The following NFX1 variants were observed in gnomAD, a reference collection of about 807,000 sequenced individuals.
NFX1 encodes the protein transcriptional repressor NF-X1.
In NFX1, 69 loss-of-function variants were observed where a neutral mutation model predicts 137.2. The ratio of observed to expected loss-of-function variants is 0.50; its 90% CI spans 0.41 to 0.61. The LOEUF (loss-of-function observed/expected upper bound fraction) is 0.61, where lower values mean the gene tolerates loss of function less well. Ranked by LOEUF, NFX1 falls within the 20% of genes least tolerant of loss-of-function variation. The probability of loss-of-function intolerance (pLI) is 0.00; values close to 1 mark genes in which losing one functional copy is unlikely to be tolerated. For missense variants in NFX1, 1,167 were observed against 1,391.0 expected (o/e 0.84, Z 2.56); for synonymous variants, 495 against 474.1 (o/e 1.04, Z -0.57).
intron 7 of NFX1, among the ~76,000 whole-genome samples, chr9:33,317,471 TA>T (rs1200221411): frequency 6.7e-6 from 1 of 149,492 alleles, no homozygotes; most frequent in African/African-American, 2.5e-5. Flanking sequence ...CACATGCACT[TA>T]CTGGAAGATG....
intron 9 of NFX1, among the ~76,000 whole-genome samples, 156 bp downstream of exon 9, chr9:33,319,283 A>G (rs1454519598): frequency 3.9e-5 from 6 of 152,202 alleles, no homozygotes; most frequent in Admixed American, 6.5e-5. Context: ...TTTCCTCCTC[A>G]ACATATACTT....
At chr9:33,298,009 A>G (rs1164335213) in intron 2 of NFX1, among the ~76,000 whole-genome samples, 1 of 152,150 alleles carries the variant, frequency 6.6e-6, no homozygotes, top group African/African-American at 2.4e-5. Flanking sequence ...TTTTGAGAAC[A>G]CTTCATTCAT....
At chr9:33,327,446 C>T (rs538522981) in intron 9 of NFX1, among the ~76,000 whole-genome samples, 2 of 152,298 alleles carry the variant, frequency 1.3e-5, no homozygotes, top group South Asian at 4.1e-4. Context: ...CTCACTGCAA[C>T]CTCCGCCTCC....
Position 33,294,726 on chromosome 9 carries a change from A to G in NFX1, c.332A>G (p.Asn111Ser). The G allele has an allele frequency of 1.2e-6, 2 of 1,614,158 alleles. No individual in the cohort carries two copies. The highest frequency in any genetic ancestry group is 1.7e-6 in the Non-Finnish European group (2 of 1,180,034). ...LQNQPWQKLR[N>S]EKHHIRVKKA... ...AATCAACCTTGGCAGAAATTGAGGA[A>G]TGAGAAGCACCATATCAGAGTCAAG... Residue 111 changes from asparagine to serine, a missense_variant, in exon 2 of 24, where the codon AAT becomes AGT. This residue lies in a region of NFX1 where 367 missense variants were observed against 386.7 expected (regional missense o/e 0.95). Coordinates refer to ENST00000379540, the MANE Select transcript of NFX1 (RefSeq NM_002504.6).
At position 33,367,540 on chromosome 9, in the gene NFX1, A is replaced by C; in HGVS notation, c.3211A>C (p.Thr1071Pro). The C allele has an allele frequency of 6.2e-7, 1 of 1,613,856 alleles. No individual in the cohort carries two copies. Among genetic ancestry groups the C allele is most frequent in the Non-Finnish European group, 8.5e-7 (1 of 1,179,840 alleles). Reference sequence around the variant, plus strand: ...GGGGAAGTCCGTTTGTCCTCCTACCACGCTGACAGGTGTGCTTGAAAGGGA... The same window carrying C: ...GGGGAAGTCCGTTTGTCCTCCTACCCCGCTGACAGGTGTGCTTGAAAGGGA... ...IRGKSVCPPT[T>P]LTGVLEREMQ... Residue 1071 changes from threonine (T) to proline (P), a missense_variant, in exon 23 of 24, where the codon ACG becomes CCG. By Grantham distance (38) the Thr-to-Pro change is conservative (BLOSUM62 -1). Coordinates refer to ENST00000379540, the MANE Select transcript of NFX1 (RefSeq NM_002504.6).
chr9:33,314,221 T>A (rs1822070491), intron 7 of NFX1, among the ~76,000 whole-genome samples: 1 of 151,958 alleles, frequency 6.6e-6, no homozygotes, highest in Non-Finnish European at 1.5e-5. Flanking sequence ...TGACCTCAAG[T>A]GATAATGCCT....
At chr9:33,313,075 C>T (rs1248978491) in intron 6 of NFX1, among the ~76,000 whole-genome samples, 2 of 152,066 alleles carry the variant, frequency 1.3e-5, no homozygotes, top group East Asian at 1.9e-4. Context: ...GCTGTCCTCC[C>T]GTCTGTAAAG....
chr9:33,357,815 G>T (rs1823862451), intron 19 of NFX1, among the ~76,000 whole-genome samples: 2 of 151,806 alleles, frequency 1.3e-5, no homozygotes, highest in South Asian at 4.1e-4. Context: ...AAAGTGCTGG[G>T]ATTATAAGCA....
intron 6 of NFX1, among the ~76,000 whole-genome samples, chr9:33,312,047 C>T (rs560436843): frequency 6.6e-6 from 1 of 152,308 alleles, no homozygotes; most frequent in Non-Finnish European, 1.5e-5. Context: ...AGGTCTCCTA[C>T]ATCATTAGTA....
Position 33,344,158 on chromosome 9 carries a change from T to G in NFX1, c.2314T>G (p.Cys772Gly). Residue 772 changes from cysteine (C) to glycine (G), a missense_variant, in exon 14 of 24, where the codon TGC (cysteine) becomes GGC (glycine). Cys to Gly is a radical substitution (Grantham distance 159). This residue lies in a region of NFX1 where 488 missense variants were observed against 691.5 expected (regional missense o/e 0.71). Transcript: ENST00000379540. ...GTRPPECTQTCARVHECDHPV... is the reference protein window; with the variant it reads ...GTRPPECTQTGARVHECDHPV... ...TAGGCCCCCTGAATGTACCCAAACC[T>G]GCGCTAGAGTCCATGAGTGTGACCA... The G allele has an allele frequency of 1.2e-6, 2 of 1,614,054 alleles. No homozygotes were observed. Among genetic ancestry groups the G allele is most frequent in the Non-Finnish European group, 8.5e-7 (1 of 1,179,946 alleles).
intron 19 of NFX1, among the ~76,000 whole-genome samples, chr9:33,358,060 TTC>T (rs1241354443): frequency 6.6e-6 from 1 of 152,188 alleles, no homozygotes; most frequent in African/African-American, 2.4e-5. Context: ...AAATTTTGTA[TTC>T]TTTCAGTAGA....
chr9:33,366,505 C>A, intron 21 of NFX1, 124 bp from the exon 22 acceptor site: 1 of 1,156,634 alleles, frequency 8.6e-7, no homozygotes, highest in Non-Finnish European at 1.2e-6. Flanking sequence ...GTAAAATGCT[C>A]TATGCTGTGG....
chr9:33,343,143 A>G lies in NFX1; in HGVS notation c.2224+289A>G, dbSNP rs533451901. The stretch of plus-strand genomic sequence containing the variant: ...TATTGACCTAGGTTCTGTCCTCAAC[A>G]ATCTTCTTTCTCTATATTATTAGCA... On this transcript the variant is annotated intron_variant, in intron 13 of 23. Coordinates refer to ENST00000379540, the MANE Select transcript of NFX1 (RefSeq NM_002504.6). 5.9e-5 allele frequency among the ~76,000 whole-genome samples: 9 copies of G among 152,278 alleles called. No individual in the cohort carries two copies. In the East Asian group the frequency reaches 1.5e-3, roughly 26 times the overall value.
chr9:33,338,367 A>G, intron 11 of NFX1, 143 bp from the exon 12 acceptor site: 1 of 754,592 alleles, frequency 1.3e-6, no homozygotes, highest in East Asian at 3.2e-5. Flanking sequence ...AAAACAAAAC[A>G]AAACAAAAAA....
rs1821299523 is a variant in NFX1, at chr9:33,294,980, A to G, written c.586A>G (p.Thr196Ala). The G allele has an allele frequency of 6.2e-7, 1 of 1,614,200 alleles. No individual in the cohort carries two copies. The change falls in exon 2 of 24, where the codon ACA becomes GCA. Residue 196 changes from threonine to alanine, a missense_variant. Around this residue, in one of 3 missense-constraint regions of NFX1, gnomAD observed 367 missense variants for 386.7 expected, o/e 0.95. Transcript: ENST00000379540. Reference protein sequence around the residue: ...GKLKCEWSNRTTPKPEDAGPE... With the variant: ...GKLKCEWSNRATPKPEDAGPE... Reference sequence around the variant, plus strand: ...ACTCAAATGTGAATGGAGTAACCGAACAACTCCAAAACCGGAGGATGCTGG... The same window carrying G: ...ACTCAAATGTGAATGGAGTAACCGAGCAACTCCAAAACCGGAGGATGCTGG...
intron 11 of NFX1, among the ~76,000 whole-genome samples, chr9:33,336,884 T>C (rs1048130276): frequency 1.3e-5 from 2 of 152,128 alleles, no homozygotes; most frequent in African/African-American, 4.8e-5. Context: ...GGCGGATCAC[T>C]TGAGGTCAGG....
intron 15 of NFX1, chr9:33,348,869 T>C (rs1564140439): frequency 6.4e-6 from 5 of 778,254 alleles, no homozygotes; most frequent in Non-Finnish European, 7.8e-6. Context: ...ACATTCCAAC[T>C]GTCCTATACC....
chr9:33,294,303 A>C, intron 1 of NFX1, 117 bp from the exon 2 acceptor site: 2 of 932,298 alleles, frequency 2.1e-6, no homozygotes, highest in Non-Finnish European at 3.2e-6. Flanking sequence ...TTCTTACTTA[A>C]CAGCATGTTT....
Position 33,351,752 on chromosome 9 carries a change from A to G in NFX1, c.2617A>G (p.Thr873Ala). ...TCACCCGTGTATGGCACCCTGCCAT[A>G]CCAGCTCACCCTGCCCTGTGACTGC... ...CGHPCMAPCH[T>A]SSPCPVTACK... Residue 873 changes from threonine to alanine, a missense_variant, in exon 16 of 24, where the codon ACC becomes GCC. Thr to Ala is a moderately conservative substitution (Grantham distance 58, BLOSUM62 0). Transcript: ENST00000379540. 1 of 1,607,586 alleles carries G rather than the reference A, an allele frequency of 6.2e-7. No individual in the cohort carries two copies. Among genetic ancestry groups the G allele is most frequent in the South Asian group, 1.1e-5 (1 of 89,902 alleles).
Sources: gnomAD v4.1 joint callset for allele counts (sites outside exome capture counted in the v4.1 genomes callset) on GRCh38, gnomAD v4.1.1 for gene constraint, gnomAD v4.1.1 regional missense constraint, MANE v1.5 for transcripts, NCBI Gene and HGNC (gene_info 2026-07-23, HGNC 2026-07-21) for gene names.